The following CLSTN2 variants were observed in gnomAD, a reference collection of about 807,000 sequenced individuals.
CLSTN2 encodes calsyntenin 2.
Under a neutral mutation model 101.2 loss-of-function variants are expected in CLSTN2, and 48 were observed. The observed-to-expected ratio is 0.47, with a 90% confidence interval of 0.38 to 0.60. The LOEUF is 0.60. Among genes scored for constraint, CLSTN2 ranks in the 20% least tolerant of loss-of-function variants. CLSTN2 has a pLI of 0.00. For synonymous variants in CLSTN2, 481 were observed against 463.6 expected (o/e 1.04, Z -0.48); for missense variants, 1,160 against 1,238.2 (o/e 0.94, Z 0.95).
intron 3 of CLSTN2, 121 bp downstream of exon 3, chr3:140,403,945 C>A: frequency 1.2e-6 from 1 of 829,026 alleles, no homozygotes; most frequent in South Asian, 1.8e-5. Flanking sequence ...CAACTTTGCT[C>A]AACTGCTTGG....
intron 9 of CLSTN2, among the ~76,000 whole-genome samples, chr3:140,543,545 T>A (rs1935528008): frequency 6.6e-6 from 1 of 152,098 alleles, no homozygotes; most frequent in Admixed American, 6.5e-5. Context: ...GATGGATGAG[T>A]GGCACCCCAG....
At chr3:140,331,502 G>C (rs1307384253) in intron 2 of CLSTN2, among the ~76,000 whole-genome samples, 3 of 152,164 alleles carry the variant, frequency 2.0e-5, no homozygotes, top group African/African-American at 7.2e-5. Context: ...GAAGTGCCAG[G>C]CTGCATCTAC....
chr3:140,445,773 A>T (rs916141516), intron 5 of CLSTN2, among the ~76,000 whole-genome samples: 1 of 152,116 alleles, frequency 6.6e-6, no homozygotes, highest in Non-Finnish European at 1.5e-5. Context: ...GCCCAGATCC[A>T]CCCAGCAAAT....
At chr3:139,977,830 T>G (rs1479768485) in intron 1 of CLSTN2, among the ~76,000 whole-genome samples, 2 of 152,144 alleles carry the variant, frequency 1.3e-5, no homozygotes, top group Non-Finnish European at 2.9e-5. Flanking sequence ...GTCAAACACA[T>G]TGTTTTTTAT....
chr3:140,529,292 G>A (rs747521444), intron 8 of CLSTN2, among the ~76,000 whole-genome samples: 8 of 152,328 alleles, frequency 5.3e-5, no homozygotes, highest in East Asian at 1.9e-4. Flanking sequence ...GCTGCCTGCC[G>A]TGGGAGTACA....
chr3:140,161,391 TAA>T lies in CLSTN2; in HGVS notation c.110-14558_110-14557del, dbSNP rs908255462. 6.6e-4 allele frequency among the ~76,000 whole-genome samples: 100 copies of T among 152,278 alleles called. 1 individual carries two copies. The highest frequency in any genetic ancestry group is 1.6e-3 in the African/African-American group (65 of 41,564). Reference sequence around the variant, plus strand: ...TTCTCCAACCAGGTTGCAAAAGATATAAAGACTGTGATTTCAGACAATTATTC... The same window carrying T: ...TTCTCCAACCAGGTTGCAAAAGATATAGACTGTGATTTCAGACAATTATTC... On this transcript the variant is annotated intron_variant, in intron 1 of 16. Transcript: ENST00000458420.
intron 1 of CLSTN2, among the ~76,000 whole-genome samples, chr3:139,954,387 CT>C (rs1193516831): frequency 6.6e-6 from 1 of 152,160 alleles, no homozygotes; most frequent in Non-Finnish European, 1.5e-5. Flanking sequence ...GGCTAGGAGA[CT>C]TTGCTAGAGT....
At chr3:140,491,062 T>C (rs984685212) in intron 8 of CLSTN2, among the ~76,000 whole-genome samples, 1 of 152,222 alleles carries the variant, frequency 6.6e-6, no homozygotes, top group Non-Finnish European at 1.5e-5. Context: ...CTTAAAGCTT[T>C]TTATCTGTGG....
At chr3:140,200,584 A>G (rs1450092032) in intron 2 of CLSTN2, among the ~76,000 whole-genome samples, 5 of 152,192 alleles carry the variant, frequency 3.3e-5, no homozygotes, top group African/African-American at 1.2e-4. Context: ...GGAAGGGTTA[A>G]TAAGGCTATA....
intron 1 of CLSTN2, among the ~76,000 whole-genome samples, chr3:140,071,809 G>C (rs1376582723): frequency 2.7e-5 from 4 of 148,144 alleles, no homozygotes; most frequent in Non-Finnish European, 5.9e-5. Flanking sequence ...CCAGGCTGGG[G>C]GACAGAGTGA....
chr3:140,118,404 T>C (rs984599332), intron 1 of CLSTN2, among the ~76,000 whole-genome samples: 1 of 152,040 alleles, frequency 6.6e-6, no homozygotes, highest in Admixed American at 6.6e-5. Context: ...CCAGAGACAA[T>C]CAGTGCTTCA....
intron 1 of CLSTN2, among the ~76,000 whole-genome samples, chr3:139,978,670 GTGTGTGTGTGT>G: frequency 9.5e-6 from 1 of 105,042 alleles, no homozygotes; most frequent in Admixed American, 9.8e-5. Context: ...GTGTGTGTGT[GTGTGTGTGTGT>G]GTGTGTGTGT....
chr3:140,097,153 C>T (rs2008882998), intron 1 of CLSTN2, among the ~76,000 whole-genome samples: 1 of 152,128 alleles, frequency 6.6e-6, no homozygotes, highest in South Asian at 2.1e-4. Flanking sequence ...GTGCCAGGGG[C>T]TTTACATATA....
intron 2 of CLSTN2, among the ~76,000 whole-genome samples, chr3:140,226,115 A>G (rs1233860885): frequency 1.3e-5 from 2 of 152,204 alleles, no homozygotes; most frequent in East Asian, 1.9e-4. Context: ...AAAAAAGCCA[A>G]TCCCAAAAGC....
At chr3:140,069,358 C>A (rs534030938) in intron 1 of CLSTN2, among the ~76,000 whole-genome samples, 41 of 152,246 alleles carry the variant, frequency 2.7e-4, no homozygotes, top group Admixed American at 2.6e-3. Flanking sequence ...CACCAAGACA[C>A]CAGATCAATG....
intron 8 of CLSTN2, among the ~76,000 whole-genome samples, chr3:140,489,715 G>T (rs1279933954): frequency 6.6e-6 from 1 of 151,900 alleles, no homozygotes; most frequent in Non-Finnish European, 1.5e-5. Flanking sequence ...GGAGGATGTA[G>T]GCAGATAAAT....
intron 1 of CLSTN2, among the ~76,000 whole-genome samples, chr3:140,175,604 G>A (rs907203803): frequency 1.2e-4 from 19 of 152,182 alleles, no homozygotes; most frequent in Non-Finnish European, 2.8e-4. Context: ...CAGAATTAAA[G>A]CTTTCAATCA....
chr3:140,202,344 T>C (rs1432328426), intron 2 of CLSTN2, among the ~76,000 whole-genome samples: 1 of 152,030 alleles, frequency 6.6e-6, no homozygotes, highest in African/African-American at 2.4e-5. Flanking sequence ...TGTGGGTGGG[T>C]ATGTTTGGAA....
chr3:140,324,662 G>C (rs2087314539), intron 2 of CLSTN2, among the ~76,000 whole-genome samples: 1 of 152,184 alleles, frequency 6.6e-6, no homozygotes, highest in African/African-American at 2.4e-5. Flanking sequence ...AAGCAATGGT[G>C]CTTAGCCTGA....
Sources: allele counts gnomAD v4.1 joint callset (sites outside exome capture counted in the v4.1 genomes callset), GRCh38; gene constraint gnomAD v4.1.1; transcripts MANE v1.5; gene names NCBI Gene and HGNC (gene_info 2026-07-23, HGNC 2026-07-21).